FSTL4: variants seen among roughly 807,000 people sequenced by gnomAD.
The protein encoded by FSTL4 is follistatin like 4.
In FSTL4, 28 loss-of-function variants were observed where a neutral mutation model predicts 78.2. That is an observed-to-expected ratio of 0.36 (90% CI 0.27 to 0.49). The LOEUF is 0.49. Ranked by LOEUF, FSTL4 falls within the 20% of genes least tolerant of loss-of-function variation. The pLI is 0.98. For missense variants in FSTL4, 922 were observed against 1,084.9 expected, an observed-to-expected ratio of 0.85 and a Z score of 2.11; for synonymous variants, 422 against 440.5, an observed-to-expected ratio of 0.96 and a Z score of 0.53.
intron 6 of FSTL4, 28 bp downstream of exon 6, chr5:133,312,626 G>C (rs1293311502): frequency 6.2e-7 from 1 of 1,611,000 alleles, no homozygotes; most frequent in Non-Finnish European, 8.5e-7. Context: ...GCAGAAATAA[G>C]CCCTTTTCCC....
chr5:133,575,430 T>A (rs1760256057), intron 2 of FSTL4: 1 of 86,754 alleles, frequency 1.2e-5, no homozygotes, highest in African/African-American at 4.8e-5. Flanking sequence ...AGAGTAGTTG[T>A]GATGATCAAA....
chr5:133,718,523 A>G, the FSTL4 span, among the ~76,000 whole-genome samples: 1 of 152,244 alleles, frequency 6.6e-6, no homozygotes, highest in African/African-American at 2.4e-5. Flanking sequence ...TAGAGTTTAA[A>G]TACATATACT....
At chr5:133,796,738 G>A in the FSTL4 span, among the ~76,000 whole-genome samples, 85,445 of 151,764 alleles carry the variant, frequency 0.56, 25,196 homozygotes, top group East Asian at 0.78. Flanking sequence ...CTTATATGGG[G>A]TACAGGATAG....
intron 3 of FSTL4, among the ~76,000 whole-genome samples, chr5:133,506,438 T>A (rs1029533600): frequency 1.3e-5 from 2 of 151,972 alleles, no homozygotes; most frequent in African/African-American, 4.8e-5. Flanking sequence ...ACAGCTCCAC[T>A]CGAGAGGAAT....
the FSTL4 span, among the ~76,000 whole-genome samples, chr5:133,728,934 G>C: frequency 6.6e-6 from 1 of 152,168 alleles, no homozygotes; most frequent in African/African-American, 2.4e-5. Context: ...TCTTCAGAAA[G>C]ACAGGAATAA....
At chr5:133,680,418 T>C in the FSTL4 span, among the ~76,000 whole-genome samples, 2 of 152,164 alleles carry the variant, frequency 1.3e-5, no homozygotes, top group East Asian at 3.9e-4. Flanking sequence ...TGGTGGGCCC[T>C]GCCCTTCCAG....
At chr5:133,272,139 A>G (rs1752780883) in intron 6 of FSTL4, among the ~76,000 whole-genome samples, 3 of 152,276 alleles carry the variant, frequency 2.0e-5, no homozygotes, top group African/African-American at 4.8e-5. Flanking sequence ...GGAATGTACC[A>G]GGAATGTCAA....
At chr5:133,546,505 CAAAAAAAAA>C (rs71581365) in intron 3 of FSTL4, among the ~76,000 whole-genome samples, 1,792 of 75,438 alleles carry the variant, frequency 0.024, 35 homozygotes, top group African/African-American at 0.077. Context: ...GACTTTGTCT[CAAAAAAAAA>C]AAAAAAAAAA....
At chr5:133,569,326 T>C (rs1472876817) in intron 2 of FSTL4, among the ~76,000 whole-genome samples, 2 of 152,242 alleles carry the variant, frequency 1.3e-5, no homozygotes, top group African/African-American at 4.8e-5. Context: ...TGCGCACCCT[T>C]GTCTTGGCTT....
the FSTL4 span, among the ~76,000 whole-genome samples, chr5:133,676,080 A>G: frequency 6.6e-6 from 1 of 152,170 alleles, no homozygotes; most frequent in South Asian, 2.1e-4. Flanking sequence ...TAGAATGTTT[A>G]CTTTCTGCTG....
intron 6 of FSTL4, among the ~76,000 whole-genome samples, chr5:133,309,380 C>T (rs941487614): frequency 6.6e-6 from 1 of 152,150 alleles, no homozygotes; most frequent in South Asian, 2.1e-4. Context: ...GTGGGGGCAC[C>T]CTCATATTTC....
chr5:133,641,613 T>C, the FSTL4 span, among the ~76,000 whole-genome samples: 1 of 152,178 alleles, frequency 6.6e-6, no homozygotes, highest in Non-Finnish European at 1.5e-5. Flanking sequence ...TGTGTATGTG[T>C]ATATACACAT....
At chr5:133,752,141 C>G in the FSTL4 span, among the ~76,000 whole-genome samples, 2 of 152,210 alleles carry the variant, frequency 1.3e-5, no homozygotes, top group African/African-American at 4.8e-5. Context: ...ATTGGGCCTG[C>G]CTTTGCCCAA....
chr5:133,680,151 A>C, the FSTL4 span, among the ~76,000 whole-genome samples: 2 of 152,192 alleles, frequency 1.3e-5, no homozygotes. Context: ...ATTCCACAGC[A>C]TGGCATGGTC....
At chr5:133,558,522 C>T (rs1358151725) in intron 3 of FSTL4, among the ~76,000 whole-genome samples, 1 of 152,204 alleles carries the variant, frequency 6.6e-6, no homozygotes, top group Non-Finnish European at 1.5e-5. Context: ...CTGTGGGTCA[C>T]TGTCTCCATG....
chr5:133,730,195 T>C, the FSTL4 span, among the ~76,000 whole-genome samples: 3 of 152,202 alleles, frequency 2.0e-5, no homozygotes, highest in Non-Finnish European at 1.5e-5. Flanking sequence ...TGGGAAGATA[T>C]AACTGTGCCA....
intron 3 of FSTL4, among the ~76,000 whole-genome samples, chr5:133,460,232 G>A (rs751945929): frequency 2.0e-5 from 3 of 151,942 alleles, no homozygotes; most frequent in Admixed American, 2.0e-4. Flanking sequence ...TGCTTTGTGC[G>A]TTTTGTCCAA....
rs2126970507 is a variant in FSTL4, at chr5:133,399,960, C to T, written c.409+778G>A. Among the ~76,000 whole-genome samples, 4 of 152,358 alleles carry T rather than the reference C, an allele frequency of 2.6e-5. No homozygotes were observed. The South Asian group carries it at 8.3e-4, about 32-fold the overall frequency. ...TGGCATGTACTATTTACCAGGGCCA[C>T]ATCAATCAACCCAGGATGTGCATTC... On this transcript the variant is annotated intron_variant, in intron 4 of 15. Transcript: ENST00000265342.
At chr5:133,238,661 G>A (rs184241652) in intron 7 of FSTL4, among the ~76,000 whole-genome samples, 20 of 152,272 alleles carry the variant, frequency 1.3e-4, no homozygotes, top group Admixed American at 4.6e-4. Flanking sequence ...GGGAGGGAGC[G>A]CACCCAAACA....
Sources: gnomAD v4.1 joint callset for allele counts (sites outside exome capture counted in the v4.1 genomes callset) on GRCh38, gnomAD v4.1.1 for gene constraint, MANE v1.5 for transcripts, NCBI Gene and HGNC (gene_info 2026-07-23, HGNC 2026-07-21) for gene names.